The following SAMD12 variants were observed in gnomAD, a reference collection of about 807,000 sequenced individuals.
SAMD12 encodes sterile alpha motif domain containing 12.
A neutral mutation model predicts 15.0 loss-of-function variants in SAMD12; 9 were observed. That is an observed-to-expected ratio of 0.60 (90% CI 0.36 to 1.05). SAMD12 has a LOEUF of 1.05. Ranked by LOEUF, SAMD12 falls within the 50% of genes least tolerant of loss-of-function variation. The pLI, the probability that SAMD12 is intolerant of heterozygous loss-of-function variation, is 0.01. For missense variants in SAMD12, 230 were observed against 234.2 expected (o/e 0.98, Z 0.12); for synonymous variants, 86 against 90.1 (o/e 0.96, Z 0.25).
At chr8:118,524,709 C>A (rs1219470269) in intron 2 of SAMD12, among the ~76,000 whole-genome samples, 2 of 152,192 alleles carry the variant, frequency 1.3e-5, no homozygotes, top group Non-Finnish European at 2.9e-5. Flanking sequence ...TCCTGCAGTT[C>A]TTTGACAGTT....
At chr8:118,174,189 G>T in the SAMD12 span, among the ~76,000 whole-genome samples, 31 of 152,122 alleles carry the variant, frequency 2.0e-4, no homozygotes, top group Admixed American at 2.0e-3. Context: ...GGATTCAATG[G>T]GGCAATGTTT....
chr8:118,360,303 G>C (rs557763207), intron 4 of SAMD12, among the ~76,000 whole-genome samples: 1 of 152,258 alleles, frequency 6.6e-6, no homozygotes, highest in East Asian at 1.9e-4. Context: ...GGCAATTCCT[G>C]ACCTGAATGC....
intron 4 of SAMD12, among the ~76,000 whole-genome samples, chr8:118,329,612 G>A (rs781409120): frequency 2.6e-5 from 4 of 152,028 alleles, no homozygotes; most frequent in Non-Finnish European, 5.9e-5. Flanking sequence ...AACAAAAAAC[G>A]CTTCTACCAC....
intron 2 of SAMD12, among the ~76,000 whole-genome samples, chr8:118,444,461 A>G (rs1822848857): frequency 6.6e-6 from 1 of 151,950 alleles, no homozygotes; most frequent in African/African-American, 2.4e-5. Context: ...TTCCTTTCTG[A>G]TGCCTTTCTG....
intron 4 of SAMD12, among the ~76,000 whole-genome samples, chr8:118,236,165 T>G: frequency 6.6e-6 from 1 of 152,158 alleles, no homozygotes. Flanking sequence ...CTTCTACAAA[T>G]GCCACACTGC....
At chr8:118,596,434 A>G (rs1007402786) in intron 1 of SAMD12, among the ~76,000 whole-genome samples, 3 of 152,088 alleles carry the variant, frequency 2.0e-5, no homozygotes, top group Admixed American at 6.5e-5. Flanking sequence ...ACTGGTAAGC[A>G]CTCCATCCTT....
chr8:118,258,529 T>C (rs1813005154), intron 4 of SAMD12, among the ~76,000 whole-genome samples: 1 of 152,154 alleles, frequency 6.6e-6, no homozygotes, highest in East Asian at 1.9e-4. Flanking sequence ...TGAATTTTAC[T>C]TAAAATATCA....
intron 2 of SAMD12, among the ~76,000 whole-genome samples, chr8:118,531,603 T>C (rs1291276904): frequency 1.3e-5 from 2 of 152,264 alleles, no homozygotes; most frequent in African/African-American, 2.4e-5. Flanking sequence ...TTTTATTTTG[T>C]TGAGCAGTAG....
intron 4 of SAMD12, among the ~76,000 whole-genome samples, chr8:118,259,483 G>C (rs931631978): frequency 6.6e-6 from 1 of 152,062 alleles, no homozygotes; most frequent in Non-Finnish European, 1.5e-5. Context: ...TCATAACAAA[G>C]AAGTCTCTGA....
At chr8:118,500,067 CTTTTTTTTTTTT>C (rs563321387) in intron 2 of SAMD12, among the ~76,000 whole-genome samples, 5 of 72,572 alleles carry the variant, frequency 6.9e-5, no homozygotes, top group South Asian at 1.4e-3. Flanking sequence ...TGAGTTTTGC[CTTTTTTTTTTTT>C]TTTTTTTTTT....
At chr8:118,243,571 T>C (rs1290634951) in intron 4 of SAMD12, among the ~76,000 whole-genome samples, 1 of 152,186 alleles carries the variant, frequency 6.6e-6, no homozygotes, top group African/African-American at 2.4e-5. Context: ...GCACGGGATA[T>C]AACTGTTATT....
At chr8:118,269,218 CTCTGTGTGTG>C (rs1304941310) in intron 4 of SAMD12, among the ~76,000 whole-genome samples, 1,742 of 115,588 alleles carry the variant, frequency 0.015, 22 homozygotes, top group African/African-American at 0.048. Flanking sequence ...CTCTCTCTCT[CTCTGTGTGTG>C]TGTGTGTGTG....
At chr8:118,164,782 C>A in the SAMD12 span, among the ~76,000 whole-genome samples, 2 of 151,412 alleles carry the variant, frequency 1.3e-5, no homozygotes, top group Non-Finnish European at 2.9e-5. Context: ...TTCATTCATG[C>A]ATGAATATTA....
At chr8:118,592,057 C>T (rs1363653021) in intron 1 of SAMD12, among the ~76,000 whole-genome samples, 2 of 152,208 alleles carry the variant, frequency 1.3e-5, no homozygotes, top group African/African-American at 2.4e-5. Flanking sequence ...TGCAGTGGCT[C>T]ATGCCTATAA....
At chr8:118,466,323 G>A (rs1305014888) in intron 2 of SAMD12, among the ~76,000 whole-genome samples, 1 of 152,144 alleles carries the variant, frequency 6.6e-6, no homozygotes, top group Non-Finnish European at 1.5e-5. Flanking sequence ...TGAGTACTTA[G>A]CACATGCACT....
chr8:118,513,652 C>T (rs1825147048), intron 2 of SAMD12, among the ~76,000 whole-genome samples: 1 of 152,152 alleles, frequency 6.6e-6, no homozygotes, highest in East Asian at 1.9e-4. Flanking sequence ...GTATTTCAAT[C>T]AAGTAGACAG....
chr8:118,348,396 A>G, intron 4 of SAMD12, among the ~76,000 whole-genome samples: 1 of 144,004 alleles, frequency 6.9e-6, no homozygotes. Context: ...TTTGAGATGG[A>G]GTATCGCTCT....
chr8:118,224,432 A>T (rs1812144038), intron 4 of SAMD12, among the ~76,000 whole-genome samples: 1 of 152,210 alleles, frequency 6.6e-6, no homozygotes, highest in Admixed American at 6.5e-5. Flanking sequence ...TGGAATGACA[A>T]AGGACAATAT....
At chr8:118,202,640 T>C (rs927863710) in intron 4 of SAMD12, among the ~76,000 whole-genome samples, 3 of 152,082 alleles carry the variant, frequency 2.0e-5, no homozygotes, top group Non-Finnish European at 2.9e-5. Context: ...AGATATTATA[T>C]CCAGGCAGCC....
Sources: allele counts gnomAD v4.1 joint callset (sites outside exome capture counted in the v4.1 genomes callset), GRCh38; gene constraint gnomAD v4.1.1; transcripts MANE v1.5; gene names NCBI Gene and HGNC (gene_info 2026-07-23, HGNC 2026-07-21).